Variants in RAB30 observed in about 807,000 individuals in gnomAD.
The protein encoded by RAB30 is ras-related protein Rab-30.
A neutral mutation model predicts 25.1 loss-of-function variants in RAB30; 9 were observed. The ratio of observed to expected loss-of-function variants is 0.36; its 90% CI spans 0.22 to 0.63. RAB30 has a LOEUF of 0.63. Ranked by LOEUF, RAB30 falls within the 20% of genes least tolerant of loss-of-function variation. The pLI is 0.69. For synonymous variants in RAB30, 77 were observed against 86.4 expected, an observed-to-expected ratio of 0.89 and a Z score of 0.60; for missense variants, 140 against 243.5, an observed-to-expected ratio of 0.58 and a Z score of 2.83.
chr11:83,017,492 G>A (rs892207174), intron 1 of RAB30, among the ~76,000 whole-genome samples: 2 of 152,094 alleles, frequency 1.3e-5, no homozygotes, highest in African/African-American at 4.8e-5. Flanking sequence ...CCCAGGCAGT[G>A]TACACTGTAC....
Position 82,976,825 on chromosome 11 carries a change from A to G in RAB30, c.*5340T>C, listed in dbSNP as rs1046545717. ...GGAATAATTTGGGCCATAGGCTTCA[A>G]TAGCAAAAATTGCTTACAGTTACCT... On this transcript the variant is annotated 3_prime_UTR_variant, in exon 5 of 5. Transcript: ENST00000527633. 5 of 152,254 alleles carry G rather than the reference A, an allele frequency of 3.3e-5. No individual in the cohort carries two copies. Among genetic ancestry groups the G allele is most frequent in the African/African-American group, 7.2e-5 (3 of 41,478 alleles). 9.4% of individuals were successfully genotyped at this position (152,254 alleles called of 1,614,324 possible). A position where few individuals can be genotyped will look rare whatever the true frequency, so the allele number is the denominator to read the frequency against.
chr11:83,055,751 G>C (rs1326463187), intron 1 of RAB30, among the ~76,000 whole-genome samples: 1 of 152,216 alleles, frequency 6.6e-6, no homozygotes, highest in Non-Finnish European at 1.5e-5. Context: ...TACAAAAAGG[G>C]CTTGAAGGGG....
At chr11:82,996,083 T>A (rs1856951206) in intron 2 of RAB30, among the ~76,000 whole-genome samples, 2 of 152,244 alleles carry the variant, frequency 1.3e-5, no homozygotes, top group African/African-American at 2.4e-5. Context: ...TGAGCCCAGA[T>A]GCCTATTAGC....
chr11:82,991,745 T>C (rs1197884543), intron 3 of RAB30, among the ~76,000 whole-genome samples: 1 of 152,132 alleles, frequency 6.6e-6, no homozygotes, highest in African/African-American at 2.4e-5. Context: ...TTTTTATAGA[T>C]AAAGTTCTAG....
chr11:83,008,509 C>T (rs967101145), intron 1 of RAB30, among the ~76,000 whole-genome samples: 1 of 152,202 alleles, frequency 6.6e-6, no homozygotes, highest in Non-Finnish European at 1.5e-5. Flanking sequence ...CTTGAATCAA[C>T]CCCATTGGGC....
intron 1 of RAB30, among the ~76,000 whole-genome samples, chr11:83,057,413 C>G: frequency 6.6e-6 from 1 of 152,098 alleles, no homozygotes; most frequent in South Asian, 2.1e-4. Flanking sequence ...TTTTCCAGGC[C>G]AGAAACATTC....
chr11:83,052,291 C>A (rs1478353784), intron 1 of RAB30, among the ~76,000 whole-genome samples: 2 of 152,152 alleles, frequency 1.3e-5, no homozygotes, highest in Non-Finnish European at 2.9e-5. Context: ...TCCTTTTCAG[C>A]AATAAAAACA....
rs1483502962 is a variant in RAB30 at position 82,981,270 on chromosome 11, AT to A, written c.*894del. ...AGCTAAGTTTTTATATTAGAATGTC[AT>A]CAACCATTTGTTTATTTTTTTCATT... On this transcript the variant is annotated 3_prime_UTR_variant, in exon 5 of 5. Coordinates refer to ENST00000527633, the MANE Select transcript of RAB30 (RefSeq NM_001286060.2). 4 of 152,230 alleles carry A rather than the reference AT, an allele frequency of 2.6e-5. No individual in the cohort carries two copies. The allele number at this position is 152,230 out of a possible 1,614,324, so 9.4% of individuals were successfully genotyped here.
intron 3 of RAB30, among the ~76,000 whole-genome samples, chr11:82,993,780 G>A (rs1856903959): frequency 6.6e-6 from 1 of 152,152 alleles, no homozygotes; most frequent in Non-Finnish European, 1.5e-5. Flanking sequence ...TTATCTTTAT[G>A]TCACTTGTGA....
At chr11:83,026,020 T>A (rs143876754) in intron 1 of RAB30, among the ~76,000 whole-genome samples, 93 of 152,074 alleles carry the variant, frequency 6.1e-4, no homozygotes, top group African/African-American at 2.2e-3. Flanking sequence ...GAGACCCCCA[T>A]CTCTTCAAGA....
rs769123818 is a variant in RAB30, at chr11:82,987,654, A to G, written c.294T>C (p.Arg98=). 7 of 1,613,846 alleles carry G rather than the reference A, an allele frequency of 4.3e-6. No homozygotes were observed. The African/African-American group carries it at 9.3e-5, about 22-fold the overall frequency. ...TCTCCCGCAGCCACTCAGGAAGGCA[A>G]CGGAAGGATTCCTCACAGGTAATGT... The part of the protein sequence containing the change: ...TYDITCEESF[R]CLPEWLREIE... Residue 98 remains arginine, a synonymous_variant, in exon 4 of 5, where the codon CGT becomes CGC. Transcript: ENST00000527633.
chr11:83,051,762 C>T (rs919612641), intron 1 of RAB30, among the ~76,000 whole-genome samples: 1 of 152,006 alleles, frequency 6.6e-6, no homozygotes, highest in African/African-American at 2.4e-5. Context: ...ATAGCCCTGA[C>T]GTATGGTTTA....
At chr11:83,026,018 C>A (rs1178689840) in intron 1 of RAB30, among the ~76,000 whole-genome samples, 1 of 152,162 alleles carries the variant, frequency 6.6e-6, no homozygotes, top group South Asian at 2.1e-4. Context: ...GTGAGACCCC[C>A]ATCTCTTCAA....
rs544911609 is a variant in RAB30 at position 82,975,910 on chromosome 11, A to T, written c.*6255T>A. ...GCAAATGTGGCTCCTTAAAAAGAAG[A>T]TAGGGATCAACCCAGTTTTCTTCCC... On this transcript the variant is annotated 3_prime_UTR_variant, in exon 5 of 5. Coordinates refer to ENST00000527633, the MANE Select transcript of RAB30 (RefSeq NM_001286060.2). 6.6e-6 allele frequency: 1 copy of T among 152,310 alleles called. No homozygotes were observed. The highest frequency in any genetic ancestry group is 1.9e-4 in the East Asian group (1 of 5,190). The allele number at this position is 152,310 out of a possible 1,614,324, so 9.4% of individuals were successfully genotyped here. A position where few individuals can be genotyped will look rare whatever the true frequency, so the allele number is the denominator to read the frequency against.
chr11:83,063,409 C>T lies in RAB30; in HGVS notation c.-9+8282G>A, dbSNP rs969071953. On this transcript the variant is annotated intron_variant, in intron 1 of 4. Transcript: ENST00000527633. ...CCACATTTTAGTGAAGTTAACTAACCGTAACTAGAAAATAAAATTTTTCTG... is the reference window on the plus strand; with the variant it reads ...CCACATTTTAGTGAAGTTAACTAACTGTAACTAGAAAATAAAATTTTTCTG... Among the ~76,000 whole-genome samples, 4 of 152,088 alleles carry T rather than the reference C, an allele frequency of 2.6e-5. 1 individual carries two copies. Among genetic ancestry groups the T allele is most frequent in the Admixed American group, 2.6e-4 (4 of 15,254 alleles).
intron 1 of RAB30, among the ~76,000 whole-genome samples, chr11:83,069,218 T>C (rs963635139): frequency 2.0e-5 from 3 of 152,088 alleles, no homozygotes; most frequent in Non-Finnish European, 4.4e-5. Flanking sequence ...CCTAGGACAA[T>C]AAAAGAAACT....
At chr11:83,006,583 C>T (rs1857190166) in intron 1 of RAB30, among the ~76,000 whole-genome samples, 1 of 152,202 alleles carries the variant, frequency 6.6e-6, no homozygotes, top group Non-Finnish European at 1.5e-5. Context: ...AGAAGATAAC[C>T]TCCAACTCTT....
At chr11:83,020,866 G>C (rs1833698106) in intron 1 of RAB30, among the ~76,000 whole-genome samples, 1 of 152,064 alleles carries the variant, frequency 6.6e-6, no homozygotes, top group African/African-American at 2.4e-5. Flanking sequence ...CCTCCTCTCT[G>C]CTGAGAGCTG....
chr11:83,024,503 T>C (rs17504557), intron 1 of RAB30, among the ~76,000 whole-genome samples: 2,558 of 152,210 alleles, frequency 0.017, 57 homozygotes, highest in East Asian at 0.074. Flanking sequence ...CCTGATGCAG[T>C]GGAAAGTGAT....
Sources: gnomAD v4.1 joint callset for allele counts (sites outside exome capture counted in the v4.1 genomes callset) on GRCh38, gnomAD v4.1.1 for gene constraint, MANE v1.5 for transcripts, NCBI Gene and HGNC (gene_info 2026-07-23, HGNC 2026-07-21) for gene names.